HM13: variants seen among roughly 807,000 people sequenced by gnomAD.
HM13 encodes signal peptide peptidase.
In HM13, 18 loss-of-function variants were observed where a neutral mutation model predicts 50.0. The ratio of observed to expected loss-of-function variants is 0.36; its 90% CI spans 0.25 to 0.53. The LOEUF (loss-of-function observed/expected upper bound fraction) is 0.53. Ranked by LOEUF, HM13 falls within the 20% of genes least tolerant of loss-of-function variation. HM13 has a pLI of 0.90. For missense variants in HM13, 393 were observed against 552.4 expected (o/e 0.71, Z 2.89); for synonymous variants, 197 against 232.6 (o/e 0.85, Z 1.39).
At chr20:31,524,160 A>C (rs1370450849) in intron 1 of HM13, among the ~76,000 whole-genome samples, 2 of 152,126 alleles carry the variant, frequency 1.3e-5, no homozygotes, top group East Asian at 3.8e-4. Context: ...GGATCACTTG[A>C]TGCCAGGAGT....
In HM13 at chr20:31,568,147, C is replaced by T. The variant is rs1985035507; in HGVS notation, c.1104C>T (p.Ser368=). The T allele has an allele frequency of 2.5e-6, 4 of 1,613,160 alleles. No homozygotes were observed. In the African/African-American group the frequency reaches 5.3e-5, roughly 22 times the overall value. ...RLTHFPTVSG[S]PASLADSMQQ... ...CCCACTTCCCCACAGTCTCGGGCTC[C>T]CCAGCCAGCCTGGCCGACTCCATGC... The change falls in exon 12 of 13, where the codon TCC becomes TCT. Residue 368 remains serine, a synonymous_variant. Transcript: ENST00000398174.
chr20:31,537,216 T>A lies in HM13; in HGVS notation c.283-963T>A, dbSNP rs115155774. On this transcript the variant is annotated intron_variant, in intron 2 of 12. Transcript: ENST00000398174. ...TGGGCATGTAGCACACACATCATAC[T>A]GCAAAAAGGCCAGTGTGGCTGCAGT... Among the ~76,000 whole-genome samples the A allele has an allele frequency of 4.7e-3, 717 of 152,310 alleles. 7 individuals carry two copies. The highest frequency in any genetic ancestry group is 0.016 in the African/African-American group (681 of 41,566).
At chr20:31,546,984 G>A (rs1455994422) in intron 4 of HM13, among the ~76,000 whole-genome samples, 1 of 152,118 alleles carries the variant, frequency 6.6e-6, no homozygotes, top group Non-Finnish European at 1.5e-5. Flanking sequence ...CAAGGTCCCA[G>A]GCCCTCTCTA....
At chr20:31,545,505 C>G (rs1983663627) in intron 4 of HM13, among the ~76,000 whole-genome samples, 1 of 152,146 alleles carries the variant, frequency 6.6e-6, no homozygotes, top group South Asian at 2.1e-4. Context: ...TGTCTCATGC[C>G]TGTAATCACA....
At chr20:31,554,681 C>CAAAA (rs375749810) in intron 7 of HM13, 65 bp from the exon 8 acceptor site, 4 of 1,183,640 alleles carry the variant, frequency 3.4e-6, no homozygotes, top group Non-Finnish European at 2.4e-6. Context: ...GACTCCGTCT[C>CAAAA]AAAAAAAAAA....
chr20:31,527,155 T>C (rs986907849), intron 1 of HM13, among the ~76,000 whole-genome samples: 11 of 152,118 alleles, frequency 7.2e-5, no homozygotes, highest in African/African-American at 2.7e-4. Context: ...CTAGCCAACA[T>C]GGTAAAACTC....
rs1355594991 is a variant in HM13 at position 31,514,460 on chromosome 20, G to A, written c.-92G>A. 7.1e-7 allele frequency: 1 copy of A among 1,408,958 alleles called. No homozygotes were observed. The highest frequency in any genetic ancestry group is 2.5e-5 in the East Asian group (1 of 39,862). The allele number at this position is 1,408,958 out of a possible 1,614,324, so 87.3% of individuals were successfully genotyped here. ...GCACGTCACTTCCTGTTGCCTTAGGGGAACGTGGCTTTCCCTGCAGAGCCG... is the reference window on the plus strand; with the variant it reads ...GCACGTCACTTCCTGTTGCCTTAGGAGAACGTGGCTTTCCCTGCAGAGCCG... On this transcript the variant is annotated 5_prime_UTR_variant, in exon 1 of 13. Coordinates refer to ENST00000398174, the MANE Select transcript of HM13 (RefSeq NM_178581.3). This position sits in a 1 kb window ranked among gnomAD's most constrained non-coding sequence, Gnocchi z 4.3.
Position 31,569,421 on chromosome 20 carries a change from G to A in HM13, c.*202G>A. The A allele has an allele frequency of 4.7e-6, 2 of 429,906 alleles. No homozygotes were observed. Among genetic ancestry groups the A allele is most frequent in the East Asian group, 3.4e-5 (1 of 29,292 alleles). 26.6% of individuals were successfully genotyped at this position (429,906 alleles called of 1,614,324 possible). Reference sequence around the variant, plus strand: ...CCTCCTCTGCTCCTCCCCACACCCTGCAGGCAAAAGAAACCCCCAGCTTCC... The same window carrying A: ...CCTCCTCTGCTCCTCCCCACACCCTACAGGCAAAAGAAACCCCCAGCTTCC... On this transcript the variant is annotated 3_prime_UTR_variant, in exon 13 of 13. Coordinates refer to ENST00000398174, the MANE Select transcript of HM13 (RefSeq NM_178581.3).
At chr20:31,523,444 G>A (rs989344119) in intron 1 of HM13, among the ~76,000 whole-genome samples, 9 of 151,938 alleles carry the variant, frequency 5.9e-5, no homozygotes, top group Non-Finnish European at 1.3e-4. Flanking sequence ...TGTATTTTTA[G>A]TAGAGACAAG....
rs576030650 is a variant in HM13, at chr20:31,537,943, C to T, written c.283-236C>T. Among the ~76,000 whole-genome samples the T allele has an allele frequency of 4.4e-4, 67 of 152,320 alleles. 1 individual carries two copies. The South Asian group carries it at 0.013, about 30-fold the overall frequency. ...ATTGCCTCCCTCCAGATAATGGAGC[C>T]ACTAAATGTAAACTTACAAACCCCT... On this transcript the variant is annotated intron_variant, in intron 2 of 12. Transcript: ENST00000398174.
Position 31,549,857 on chromosome 20 carries a change from G to C in HM13, c.667-207G>C, listed in dbSNP as rs1474441948. On this transcript the variant is annotated intron_variant, in intron 6 of 12. Transcript: ENST00000398174. The stretch of plus-strand genomic sequence containing the variant: ...AGGCTGCCTGGCTTGGGCCATCAGA[G>C]GTCTTTTCTATACTCCCTCGAATTT... Among the ~76,000 whole-genome samples the C allele has an allele frequency of 2.0e-5, 3 of 152,228 alleles. No individual in the cohort carries two copies. In the East Asian group the frequency reaches 5.8e-4, roughly 29 times the overall value.
At chr20:31,559,708 G>A in intron 9 of HM13, 61 bp downstream of exon 9, 6 of 1,548,564 alleles carry the variant, frequency 3.9e-6, no homozygotes, top group Admixed American at 3.3e-5. Context: ...GTGGCCTTCA[G>A]GAGCCCAGAG....
At position 31,549,922 on chromosome 20, in the gene HM13, C is replaced by A. The variant is rs1389738630; in HGVS notation, c.667-142C>A. 5 of 708,194 alleles carry A rather than the reference C, an allele frequency of 7.1e-6. No individual in the cohort carries two copies. The East Asian group carries it at 1.2e-4, about 18-fold the overall frequency. The allele number at this position is 708,194 out of a possible 1,614,324, so 43.9% of individuals were successfully genotyped here. ...AGAACCAGTATCAGTGGCCACCTCA[C>A]CTCAGCTTCAGATCTGCACTGGAGC... On this transcript the variant is annotated intron_variant, in intron 6 of 12. Coordinates refer to ENST00000398174, the MANE Select transcript of HM13 (RefSeq NM_178581.3).
intron 8 of HM13, among the ~76,000 whole-genome samples, chr20:31,555,472 C>A (rs762937065): frequency 1.3e-5 from 2 of 152,160 alleles, no homozygotes; most frequent in African/African-American, 2.4e-5. Flanking sequence ...ATAGCACATC[C>A]TGCGCAACCA....
At chr20:31,554,888 A>G in intron 8 of HM13, 59 bp downstream of exon 8, 1 of 1,323,846 alleles carries the variant, frequency 7.6e-7, no homozygotes, top group South Asian at 1.2e-5. Flanking sequence ...CCCCGGAGCA[A>G]GGGGATTACT....
At chr20:31,548,476 T>C in intron 4 of HM13, 1 of 186,488 alleles carries the variant, frequency 5.4e-6, no homozygotes, top group African/African-American at 2.4e-5. Context: ...AGGCTGCCGC[T>C]AACCTTCTTC....
At chr20:31,539,045 G>A in intron 3 of HM13, 2 of 980,492 alleles carry the variant, frequency 2.0e-6, no homozygotes, top group Non-Finnish European at 2.4e-6. Context: ...AAACCCAGGT[G>A]TGGCTCCAGA....
chr20:31,563,252 C>T (rs1984718673), intron 10 of HM13: 1 of 152,552 alleles, frequency 6.6e-6, no homozygotes, highest in African/African-American at 2.4e-5. Flanking sequence ...GGGTACCTCT[C>T]TGAAAATCCT....
intron 1 of HM13, among the ~76,000 whole-genome samples, chr20:31,525,860 T>C (rs759557969): frequency 1.3e-5 from 2 of 152,214 alleles, no homozygotes; most frequent in Non-Finnish European, 2.9e-5. Context: ...GTACAATGGC[T>C]CACACCTATA....
Sources: allele counts gnomAD v4.1 joint callset (sites outside exome capture counted in the v4.1 genomes callset), GRCh38; gene constraint gnomAD v4.1.1; non-coding constraint Gnocchi (gnomAD v3.1); transcripts MANE v1.5; gene names NCBI Gene and HGNC (gene_info 2026-07-23, HGNC 2026-07-21).